The following LEPROT variants were observed in gnomAD, a reference collection of about 807,000 sequenced individuals.
The protein encoded by LEPROT is leptin receptor overlapping transcript.
A neutral mutation model predicts 15.4 loss-of-function variants in LEPROT; 3 were observed. That is an observed-to-expected ratio of 0.19 (90% CI 0.09 to 0.50). The LOEUF (loss-of-function observed/expected upper bound fraction) is 0.50, where lower values mean the gene tolerates loss of function less well. LEPROT is among the 20% of genes least tolerant of loss of function. The probability of loss-of-function intolerance (pLI) is 0.97; values close to 1 mark genes in which losing one functional copy is unlikely to be tolerated. For synonymous variants in LEPROT, 59 were observed against 57.5 expected, an observed-to-expected ratio of 1.03 and a Z score of -0.12; for missense variants, 137 against 162.2, an observed-to-expected ratio of 0.84 and a Z score of 0.84.
At chr1:65,430,621 C>A (rs1323809699) in intron 3 of LEPROT, among the ~76,000 whole-genome samples, 1 of 152,136 alleles carries the variant, frequency 6.6e-6, no homozygotes, top group Non-Finnish European at 1.5e-5. Flanking sequence ...TTATTCCCTC[C>A]AATTACGTTC....
In LEPROT at chr1:65,432,947, A is replaced by T. The variant is rs1481158136; in HGVS notation, c.*1028A>T. 1.0e-6 allele frequency: 1 copy of T among 984,388 alleles called. No individual in the cohort carries two copies. Among genetic ancestry groups the T allele is most frequent in the Non-Finnish European group, 1.2e-6 (1 of 828,944 alleles). The allele number at this position is 984,388 out of a possible 1,614,324, so 61.0% of individuals were successfully genotyped here. On this transcript the variant is annotated 3_prime_UTR_variant, in exon 4 of 4. Transcript: ENST00000371065. ...TAATTTGTCAATATATAATCAAAAT[A>T]AAAAACAAAACATACTCTCTCCCCC...
intron 3 of LEPROT, 175 bp downstream of exon 3, chr1:65,430,223 A>C (rs1220766233): frequency 3.3e-5 from 15 of 461,250 alleles, no homozygotes; most frequent in Non-Finnish European, 3.8e-5. Flanking sequence ...CCATGCCTTC[A>C]GAGTGCTTTC....
intron 3 of LEPROT, among the ~76,000 whole-genome samples, chr1:65,431,156 T>A (rs1332215002): frequency 6.6e-6 from 1 of 152,208 alleles, no homozygotes; most frequent in Admixed American, 6.5e-5. Flanking sequence ...ACTTTATTTT[T>A]CTTGTGCTTT....
intron 1 of LEPROT, among the ~76,000 whole-genome samples, chr1:65,421,932 T>G (rs912355048): frequency 2.0e-5 from 3 of 152,196 alleles, no homozygotes; most frequent in Non-Finnish European, 4.4e-5. Flanking sequence ...TGTTCAACTT[T>G]TATTGAGGAA....
chr1:65,424,202 A>G (rs896148179), intron 1 of LEPROT, among the ~76,000 whole-genome samples: 4 of 152,242 alleles, frequency 2.6e-5, no homozygotes, highest in Admixed American at 1.3e-4. Flanking sequence ...CTAGTGTCCA[A>G]TAGATACAGG....
chr1:65,435,526 C>A lies in LEPROT; in HGVS notation c.*3607C>A. 1 of 390,568 alleles carries A rather than the reference C, an allele frequency of 2.6e-6. No homozygotes were observed. Among genetic ancestry groups the A allele is most frequent in the Non-Finnish European group, 3.5e-6 (1 of 286,346 alleles). 24.2% of individuals were successfully genotyped at this position (390,568 alleles called of 1,614,324 possible). A position where few individuals can be genotyped will look rare whatever the true frequency, so the allele number is the denominator to read the frequency against. On this transcript the variant is annotated 3_prime_UTR_variant, in exon 4 of 4. Transcript: ENST00000371065. ...GGGACTACAGGCTCCCGCCACCACG[C>A]CTGGCTAATTTTTTTGTATTTTTAG...
chr1:65,420,880 G>T (rs919526080), intron 1 of LEPROT, 140 bp downstream of exon 1: 1 of 1,098,176 alleles, frequency 9.1e-7, no homozygotes, highest in Non-Finnish European at 1.3e-6. Context: ...GGAGGCGATC[G>T]ACCGCTCCCT....
rs1646523686 is a variant in LEPROT, at chr1:65,433,999, A to C, written c.*2080A>C. The C allele has an allele frequency of 1.0e-6, 1 of 985,234 alleles. No individual in the cohort carries two copies. Among genetic ancestry groups the C allele is most frequent in the African/African-American group, 1.7e-5 (1 of 57,242 alleles). 61.0% of individuals were successfully genotyped at this position (985,234 alleles called of 1,614,324 possible). A position where few individuals can be genotyped will look rare whatever the true frequency, so the allele number is the denominator to read the frequency against. ...AGCTTTTCTTTCTAAGATGGCAATAATGATTCATTTCTACTACATTTTGCA... is the reference window on the plus strand; with the variant it reads ...AGCTTTTCTTTCTAAGATGGCAATACTGATTCATTTCTACTACATTTTGCA... On this transcript the variant is annotated 3_prime_UTR_variant, in exon 4 of 4. Transcript: ENST00000371065.
intron 3 of LEPROT, 49 bp downstream of exon 3, chr1:65,430,097 C>T: frequency 6.9e-7 from 1 of 1,458,782 alleles, no homozygotes; most frequent in South Asian, 1.5e-5. Flanking sequence ...GAGTTTACTT[C>T]AGAGGCCTGT....
In LEPROT at chr1:65,435,277, CA is replaced by C. The variant is rs1298865307; in HGVS notation, c.*3360del. The C allele has an allele frequency of 4.1e-6, 4 of 984,632 alleles. No individual in the cohort carries two copies. In the African/African-American group the frequency reaches 7.0e-5, roughly 17 times the overall value. 61.0% of individuals were successfully genotyped at this position (984,632 alleles called of 1,614,324 possible). A position where few individuals can be genotyped will look rare whatever the true frequency, so the allele number is the denominator to read the frequency against. On this transcript the variant is annotated 3_prime_UTR_variant, in exon 4 of 4. Transcript: ENST00000371065. Reference sequence around the variant, plus strand: ...GTATCTCCTCAATGAATACTGTTTTCAAGGCTGAAATAGTTCATTATGTTAA... The same window carrying C: ...GTATCTCCTCAATGAATACTGTTTTCAGGCTGAAATAGTTCATTATGTTAA...
Position 65,432,264 on chromosome 1 carries a change from C to T in LEPROT, c.*345C>T, listed in dbSNP as rs550016361. On this transcript the variant is annotated 3_prime_UTR_variant, in exon 4 of 4. Coordinates refer to ENST00000371065, the MANE Select transcript of LEPROT (RefSeq NM_017526.5). Reference sequence around the variant, plus strand: ...GGGATGTGCTTGGAGAGGCAGATAACGCTGAAGCAGGCCTCTCATGACCCA... The same window carrying T: ...GGGATGTGCTTGGAGAGGCAGATAATGCTGAAGCAGGCCTCTCATGACCCA... 3.5e-3 allele frequency: 3,463 copies of T among 1,002,250 alleles called. 4 individuals are homozygous for T. Among genetic ancestry groups the T allele is most frequent in the Admixed American group, 6.9e-3 (119 of 17,326 alleles). 62.1% of individuals were successfully genotyped at this position (1,002,250 alleles called of 1,614,324 possible).
chr1:65,430,455 A>C (rs1425501562), intron 3 of LEPROT, among the ~76,000 whole-genome samples: 2 of 152,220 alleles, frequency 1.3e-5, no homozygotes, highest in Non-Finnish European at 1.5e-5. Flanking sequence ...TAATAGGTAT[A>C]TGTTGAGGGA....
At chr1:65,430,945 G>A (rs2100224187) in intron 3 of LEPROT, among the ~76,000 whole-genome samples, 1 of 152,290 alleles carries the variant, frequency 6.6e-6, no homozygotes, top group Non-Finnish European at 1.5e-5. Context: ...GCTGTTGTAT[G>A]GAATGACATT....
chr1:65,421,797 A>T (rs914322153), intron 1 of LEPROT, among the ~76,000 whole-genome samples: 1 of 152,224 alleles, frequency 6.6e-6, no homozygotes, highest in African/African-American at 2.4e-5. Flanking sequence ...TCAGTACTAC[A>T]CATGATCAGA....
rs931740883 is a variant in LEPROT, at chr1:65,431,728, C to A, written c.280-75C>A. On this transcript the variant is annotated intron_variant, in intron 3 of 3. Transcript: ENST00000371065. The stretch of plus-strand genomic sequence containing the variant: ...AACATTTCATTGGATGTTTCTAATG[C>A]AGAAAATAATAGGGATTGCAAAGAG... The A allele has an allele frequency of 1.1e-5, 16 of 1,452,448 alleles. No homozygotes were observed. In the African/African-American group the frequency reaches 2.3e-4, roughly 21 times the overall value. 90.0% of individuals were successfully genotyped at this position (1,452,448 alleles called of 1,614,324 possible). A position where few individuals can be genotyped will look rare whatever the true frequency, so the allele number is the denominator to read the frequency against.
chr1:65,421,888 G>T (rs1382056631), intron 1 of LEPROT, among the ~76,000 whole-genome samples: 1 of 152,188 alleles, frequency 6.6e-6, no homozygotes, highest in East Asian at 1.9e-4. Context: ...GTCTGAAATG[G>T]AAACGGACTA....
intron 1 of LEPROT, among the ~76,000 whole-genome samples, chr1:65,421,788 C>T (rs1484994107): frequency 6.6e-6 from 1 of 152,030 alleles, no homozygotes; most frequent in Non-Finnish European, 1.5e-5. Context: ...AGTAGTGTCT[C>T]AGTACTACAC....
chr1:65,431,369 A>C (rs961870802), intron 3 of LEPROT, among the ~76,000 whole-genome samples: 1 of 152,218 alleles, frequency 6.6e-6, no homozygotes, highest in Non-Finnish European at 1.5e-5. Flanking sequence ...AGCAGTTTTC[A>C]GTTGTATGAA....
intron 2 of LEPROT, among the ~76,000 whole-genome samples, chr1:65,426,632 A>G (rs1646377161): frequency 6.6e-6 from 1 of 152,136 alleles, no homozygotes; most frequent in Non-Finnish European, 1.5e-5. Flanking sequence ...TTGTTCATCG[A>G]TGTCAGGATT....
Sources: gnomAD v4.1 joint callset for allele counts (sites outside exome capture counted in the v4.1 genomes callset) on GRCh38, gnomAD v4.1.1 for gene constraint, MANE v1.5 for transcripts, NCBI Gene and HGNC (gene_info 2026-07-23, HGNC 2026-07-21) for gene names.